The following NPHP4 variants were observed in gnomAD, a reference collection of about 807,000 sequenced individuals.
The protein encoded by NPHP4 is nephrocystin-4.
A neutral mutation model predicts 155.8 loss-of-function variants in NPHP4; 151 were observed. The ratio of observed to expected loss-of-function variants is 0.97; its 90% CI spans 0.85 to 1.11. The LOEUF is 1.11. Among genes scored for constraint, NPHP4 ranks in the 50% least tolerant of loss-of-function variants. NPHP4 has a pLI of 0.00. For missense variants in NPHP4, 1,956 were observed against 1,925.7 expected (o/e 1.02, Z -0.29); for synonymous variants, 845 against 816.8 (o/e 1.03, Z -0.59).
intron 7 of NPHP4, among the ~76,000 whole-genome samples, chr1:5,951,069 C>T (rs6702707): frequency 0.83 from 126,442 of 152,228 alleles, 52,679 homozygotes; most frequent in African/African-American, 0.91. Flanking sequence ...CAAGCCTATA[C>T]TGTTTAGAGA....
chr1:5,986,265 T>G lies in NPHP4; in HGVS notation c.25A>C (p.Thr9Pro). The G allele has an allele frequency of 6.2e-7, 1 of 1,613,768 alleles. No individual in the cohort carries two copies. The highest frequency in any genetic ancestry group is 8.5e-7 in the Non-Finnish European group (1 of 1,179,836). The change falls in exon 2 of 30, where the codon ACC becomes CCC. Residue 9 changes from threonine to proline, a missense_variant. Transcript: ENST00000378156. Reference sequence around the variant, plus strand: ...TGGGGAGGGACAAGCACGTTTTGGGTGAAGATCCTGTGCCAGTCGTTCATC... The same window carrying G: ...TGGGGAGGGACAAGCACGTTTTGGGGGAAGATCCTGTGCCAGTCGTTCATC... MNDWHRIF[T>P]QNVLVPPHPQ... is the part of the protein sequence containing the mutation.
At chr1:5,865,573 G>A in intron 26 of NPHP4, 1 of 324,134 alleles carries the variant, frequency 3.1e-6, no homozygotes, top group Non-Finnish European at 5.7e-6. Flanking sequence ...AAATGACAAG[G>A]CACGCTTTGG....
intron 9 of NPHP4, among the ~76,000 whole-genome samples, chr1:5,935,100 C>T (rs1034683828): frequency 6.6e-6 from 1 of 152,200 alleles, no homozygotes; most frequent in African/African-American, 2.4e-5. Flanking sequence ...GATGTGAATA[C>T]AGAAAAGAAA....
At chr1:5,956,302 G>A (rs1649225254) in intron 6 of NPHP4, among the ~76,000 whole-genome samples, 1 of 152,218 alleles carries the variant, frequency 6.6e-6, no homozygotes, top group African/African-American at 2.4e-5. Context: ...CATGACCAGG[G>A]TGCACACGCA....
intron 11 of NPHP4, among the ~76,000 whole-genome samples, chr1:5,915,827 T>C (rs1645441371): frequency 6.6e-6 from 1 of 152,172 alleles, no homozygotes; most frequent in Non-Finnish European, 1.5e-5. Flanking sequence ...CGAACTTCCA[T>C]TCCGTGGTTG....
At chr1:5,912,543 AAAAAAAAAAAAAGAAAAAAG>A (rs1158006057) in intron 11 of NPHP4, among the ~76,000 whole-genome samples, 3 of 119,096 alleles carry the variant, frequency 2.5e-5, no homozygotes, top group Non-Finnish European at 5.0e-5. Flanking sequence ...GTCTCAAAAA[AAAAAAAAAAAAAGAAAAAAG>A]AAAAAAGAAA....
At position 5,867,942 on chromosome 1, in the gene NPHP4, G is replaced by T; in HGVS notation, c.3316-46C>A. ...GTGTTGGGATGGGCACGAGGCTTGT[G>T]AGCAGCTTCTTGTCCCTCCTTAGAC... On this transcript the variant is annotated intron_variant, in intron 23 of 29. Coordinates refer to ENST00000378156, the MANE Select transcript of NPHP4 (RefSeq NM_015102.5). This position sits in a 1 kb window ranked among gnomAD's most constrained non-coding sequence, Gnocchi z 4.1. 1 of 1,607,270 alleles carries T rather than the reference G, an allele frequency of 6.2e-7. No homozygotes were observed. Among genetic ancestry groups the T allele is most frequent in the South Asian group, 1.1e-5 (1 of 90,868 alleles).
intron 23 of NPHP4, among the ~76,000 whole-genome samples, chr1:5,870,238 G>C (rs1240618623): frequency 6.6e-6 from 1 of 152,196 alleles, no homozygotes; most frequent in Non-Finnish European, 1.5e-5. Flanking sequence ...AGGAGGACAG[G>C]GGTGAATCAA....
Position 5,868,073 on chromosome 1 carries a change from C to T in NPHP4, c.3316-177G>A, listed in dbSNP as rs78598342. On this transcript the variant is annotated intron_variant, in intron 23 of 29. Coordinates refer to ENST00000378156, the MANE Select transcript of NPHP4 (RefSeq NM_015102.5). ...AGGGACTGAGTCTGCAGCAGCAGGT[C>T]TCCACCAGGAGGGGACCGCTAAGCA... is the stretch of plus-strand genomic sequence containing the variant. 0.065 allele frequency: 49,143 copies of T among 760,992 alleles called. 2,248 individuals are homozygous for T. The highest frequency in any genetic ancestry group is 0.16 in the Admixed American group (8,020 of 49,878). The allele number at this position is 760,992 out of a possible 1,614,324, so 47.1% of individuals were successfully genotyped here.
In NPHP4 at chr1:5,986,281, G is replaced by A. The variant is rs745503891; in HGVS notation, c.9C>T (p.Asp3=). ...CGTTTTGGGTGAAGATCCTGTGCCA[G>A]TCGTTCATCCTGCCCGCCTGAGGGT... is the stretch of plus-strand genomic sequence containing the variant. MN[D]WHRIFTQNVL... The change falls in exon 2 of 30, where the codon GAC becomes GAT. Residue 3 remains aspartate, a synonymous_variant. Coordinates refer to ENST00000378156, the MANE Select transcript of NPHP4 (RefSeq NM_015102.5). The A allele has an allele frequency of 2.5e-5, 40 of 1,613,730 alleles. 1 individual carries two copies. In the South Asian group the frequency reaches 4.3e-4, roughly 17 times the overall value.
chr1:5,903,058 C>T (rs1644752454), intron 16 of NPHP4, among the ~76,000 whole-genome samples: 1 of 152,146 alleles, frequency 6.6e-6, no homozygotes, highest in African/African-American at 2.4e-5. Context: ...TCAAAGTATG[C>T]TTTAAAATAA....
chr1:5,969,589 A>G (rs1474168741), intron 3 of NPHP4, among the ~76,000 whole-genome samples: 1 of 152,222 alleles, frequency 6.6e-6, no homozygotes, highest in Non-Finnish European at 1.5e-5. Context: ...CAGGCCCACT[A>G]GAGCAGAATG....
chr1:5,880,278 A>T (rs768458653), intron 18 of NPHP4, 39 bp from the exon 19 acceptor site: 21 of 1,607,514 alleles, frequency 1.3e-5, no homozygotes, highest in East Asian at 1.1e-4. Flanking sequence ...ATGAACCCCA[A>T]ATGAGAATCT....
chr1:5,947,233 G>C lies in NPHP4; in HGVS notation c.993-3C>G, dbSNP rs200643924. 3 of 1,613,492 alleles carry C rather than the reference G, an allele frequency of 1.9e-6. No individual in the cohort carries two copies. Among genetic ancestry groups the C allele is most frequent in the African/African-American group, 2.7e-5 (2 of 75,008 alleles). ...AAACCAGAGCTTGGCTCCCGGAGCT[G>C]GGTCAGAAACACAAACCAGGGACAC... On this transcript the variant is annotated splice_region_variant and splice_polypyrimidine_tract_variant and intron_variant, in intron 8 of 29. Coordinates refer to ENST00000378156, the MANE Select transcript of NPHP4 (RefSeq NM_015102.5).
chr1:5,884,968 C>G (rs1643653621), intron 18 of NPHP4, among the ~76,000 whole-genome samples: 1 of 146,370 alleles, frequency 6.8e-6, no homozygotes, highest in South Asian at 2.2e-4. Flanking sequence ...CCGAACCCGT[C>G]CTACTCCACA....
At chr1:5,991,602 G>C (rs1557905753) in intron 1 of NPHP4, 2 of 152,248 alleles carry the variant, frequency 1.3e-5, no homozygotes, top group South Asian at 2.1e-4. Flanking sequence ...GCACGCGTGG[G>C]GAAGGGCACG....
chr1:5,964,935 A>ATTTTTTTTTTTTTT (rs1476774217), intron 5 of NPHP4, among the ~76,000 whole-genome samples: 9 of 31,966 alleles, frequency 2.8e-4, no homozygotes, highest in East Asian at 2.0e-3. Context: ...ATATATATAT[A>ATTTTTTTTTTTTTT]TATATATTTT....
Position 5,961,911 on chromosome 1 carries a change from G to A in NPHP4, c.556C>T (p.Gln186Ter), listed in dbSNP as rs1363701860. 3.1e-6 allele frequency: 5 copies of A among 1,611,456 alleles called. No homozygotes were observed. Among genetic ancestry groups the A allele is most frequent in the Non-Finnish European group, 4.2e-6 (5 of 1,177,758 alleles). ...HMTLIENCSL[Q>*]YTLKPHPALE... is the part of the protein sequence containing the mutation. ...GCCGGGTGTGGCTTCAGCGTGTACT[G>A]CAGGCTGCAGTTCTCAATGAGGGTC... Residue 186 changes from glutamine (Q) to a stop codon, truncating the protein, a stop_gained, in exon 6 of 30, where the codon CAG becomes TAG. Transcript: ENST00000378156. LOFTEE classifies it high-confidence loss of function.
At chr1:5,908,584 C>T (rs1047592929) in intron 12 of NPHP4, among the ~76,000 whole-genome samples, 2 of 152,240 alleles carry the variant, frequency 1.3e-5, no homozygotes, top group African/African-American at 4.8e-5. Flanking sequence ...GAGCTCAGCT[C>T]AGACCGCTGG....
Sources: gnomAD v4.1 joint callset for allele counts (sites outside exome capture counted in the v4.1 genomes callset) on GRCh38, gnomAD v4.1.1 for gene constraint, Gnocchi (gnomAD v3.1) non-coding constraint, MANE v1.5 for transcripts, NCBI Gene and HGNC (gene_info 2026-07-23, HGNC 2026-07-21) for gene names.